The following ITPRID1 variants were observed in gnomAD, a reference collection of about 807,000 sequenced individuals.
ITPRID1 encodes ITPR interacting domain containing 1, also known as protein ITPRID1.
In ITPRID1, 96 loss-of-function variants were observed where a neutral mutation model predicts 95.4. The observed-to-expected ratio is 1.01, with a 90% CI of 0.85 to 1.19. ITPRID1 has a LOEUF of 1.19. Ranked by LOEUF, ITPRID1 falls within the 50% of genes most tolerant of loss-of-function variation. The pLI is 0.00. For missense variants in ITPRID1, 1,339 were observed against 1,252.9 expected (o/e 1.07, Z -1.04); for synonymous variants, 510 against 453.6 (o/e 1.12, Z -1.58).
chr7:31,519,620 C>CTCTCTCTCTCTCTCTCTATATA, intron 1 of ITPRID1, among the ~76,000 whole-genome samples: 16 of 25,260 alleles, frequency 6.3e-4, no homozygotes, highest in Non-Finnish European at 1.0e-3. Flanking sequence ...CTCTCTCTCT[C>CTCTCTCTCTCTCTCTCTATATA]TATATATATA....
intron 10 of ITPRID1, among the ~76,000 whole-genome samples, chr7:31,609,039 T>C (rs1004882868): frequency 6.6e-6 from 1 of 151,738 alleles, no homozygotes; most frequent in Non-Finnish European, 1.5e-5. Context: ...TAACATTGTG[T>C]TAAATTTTGT....
chr7:31,658,215 C>T, downstream of ITPRID1: 1 of 1,432,510 alleles, frequency 7.0e-7, no homozygotes, highest in Middle Eastern at 1.8e-4. Context: ...CAGAAGAACA[C>T]TTCCCAGAAA....
At chr7:31,579,306 C>T (rs1011297194) in intron 9 of ITPRID1, among the ~76,000 whole-genome samples, 8 of 152,046 alleles carry the variant, frequency 5.3e-5, no homozygotes, top group Non-Finnish European at 1.0e-4. Context: ...TAAGTAATTA[C>T]AAAGGAAGAA....
At chr7:31,611,942 C>T (rs905465019) in intron 10 of ITPRID1, among the ~76,000 whole-genome samples, 1 of 151,548 alleles carries the variant, frequency 6.6e-6, no homozygotes, top group Admixed American at 6.6e-5. Flanking sequence ...TTCTTTATGC[C>T]TTTTTCTTTT....
intron 12 of ITPRID1, among the ~76,000 whole-genome samples, chr7:31,647,714 GATGACGACA>G (rs1346302360): frequency 3.0e-4 from 44 of 148,004 alleles, no homozygotes; most frequent in African/African-American, 1.0e-3. Context: ...AGAAGAAGAC[GATGACGACA>G]ACGACGACGA....
intron 5 of ITPRID1, among the ~76,000 whole-genome samples, chr7:31,562,044 TA>T (rs33912394): frequency 0.33 from 17,169 of 52,596 alleles, 1,817 homozygotes; most frequent in East Asian, 0.36. Flanking sequence ...GCTATGTATT[TA>T]AAAAAAAAAA....
At chr7:31,539,248 C>T (rs1017761444) in intron 1 of ITPRID1, among the ~76,000 whole-genome samples, 2 of 152,016 alleles carry the variant, frequency 1.3e-5, no homozygotes. Flanking sequence ...GCAGTGGTGC[C>T]ATCTTGGCTC....
At chr7:31,622,079 A>G (rs1252499557) in intron 10 of ITPRID1, among the ~76,000 whole-genome samples, 1 of 140,788 alleles carries the variant, frequency 7.1e-6, no homozygotes, top group East Asian at 2.1e-4. Flanking sequence ...TATGCACCCA[A>G]TACAGGAGCA....
intron 10 of ITPRID1, among the ~76,000 whole-genome samples, chr7:31,600,672 C>T (rs6949643): frequency 0.47 from 71,718 of 152,056 alleles, 18,778 homozygotes; most frequent in East Asian, 0.63. Context: ...CTTCCTTACC[C>T]TTGAGAAGTG....
intron 1 of ITPRID1, among the ~76,000 whole-genome samples, chr7:31,532,039 C>T (rs1338711665): frequency 6.6e-6 from 1 of 152,100 alleles, no homozygotes; most frequent in Non-Finnish European, 1.5e-5. Context: ...AAATTTATGA[C>T]AGGAAGAACA....
At chr7:31,525,378 C>G (rs1267676273) in intron 1 of ITPRID1, among the ~76,000 whole-genome samples, 1 of 152,172 alleles carries the variant, frequency 6.6e-6, no homozygotes, top group Non-Finnish European at 1.5e-5. Context: ...TGGCCTCTAT[C>G]CACCAGATAC....
intron 5 of ITPRID1, among the ~76,000 whole-genome samples, chr7:31,569,320 A>G (rs1784903652): frequency 1.3e-5 from 2 of 152,202 alleles, no homozygotes; most frequent in African/African-American, 2.4e-5. Flanking sequence ...AACTTCCTGT[A>G]CCATGAGAGA....
At chr7:31,532,784 A>G (rs1276081113) in intron 1 of ITPRID1, among the ~76,000 whole-genome samples, 2 of 152,206 alleles carry the variant, frequency 1.3e-5, no homozygotes, top group African/African-American at 4.8e-5. Context: ...CAAGTTGGCC[A>G]CTTCACAGAA....
intron 5 of ITPRID1, among the ~76,000 whole-genome samples, chr7:31,557,879 C>T (rs555076167): frequency 9.2e-5 from 14 of 152,110 alleles, no homozygotes; most frequent in South Asian, 2.1e-4. Flanking sequence ...ACGTGTTATG[C>T]GTGGAAACCC....
In ITPRID1 at chr7:31,594,517, A is replaced by G. The variant is rs186237250; in HGVS notation, c.1228+11326A>G. 4.6e-3 allele frequency among the ~76,000 whole-genome samples: 699 copies of G among 152,338 alleles called. 8 individuals are homozygous for G. Among genetic ancestry groups the G allele is most frequent in the Non-Finnish European group, 5.2e-3 (357 of 68,032 alleles). On this transcript the variant is annotated intron_variant, in intron 10 of 14. Coordinates refer to ENST00000615280, the MANE Select transcript of ITPRID1 (RefSeq NM_001257967.3). ...GCATATGTTATTTTCAAAACACTAA[A>G]TAAGAAATAATTCTGGCAATACCAT...
chr7:31,628,247 G>C (rs1182701803), intron 10 of ITPRID1, among the ~76,000 whole-genome samples: 2 of 152,054 alleles, frequency 1.3e-5, no homozygotes, highest in African/African-American at 2.4e-5. Context: ...GCCTCCCATT[G>C]ATGGAACACA....
chr7:31,581,714 G>C (rs1785411159), intron 9 of ITPRID1, among the ~76,000 whole-genome samples: 1 of 151,972 alleles, frequency 6.6e-6, no homozygotes, highest in African/African-American at 2.4e-5. Context: ...AATTAATGGG[G>C]CTTTTCCTTT....
intron 10 of ITPRID1, among the ~76,000 whole-genome samples, chr7:31,628,164 C>A (rs553183223): frequency 4.6e-5 from 7 of 152,166 alleles, no homozygotes; most frequent in Admixed American, 4.6e-4. Context: ...TCAAAAAGTG[C>A]CCTGAAGGAG....
In ITPRID1 at chr7:31,655,976, A is replaced by G; in HGVS notation, c.*3147A>G. On this transcript the variant is annotated 3_prime_UTR_variant, in exon 15 of 15. Coordinates refer to ENST00000615280, the MANE Select transcript of ITPRID1 (RefSeq NM_001257967.3). ...GATGAATCTCCAATTCTATTCCCCT[A>G]AACCACCTCCTGTGTTCCTGCTTCC... The G allele has an allele frequency of 1.0e-6, 1 of 985,364 alleles. No homozygotes were observed. The highest frequency in any genetic ancestry group is 1.2e-6 in the Non-Finnish European group (1 of 829,918). The allele number at this position is 985,364 out of a possible 1,614,324, so 61.0% of individuals were successfully genotyped here. A position where few individuals can be genotyped will look rare whatever the true frequency, so the allele number is the denominator to read the frequency against.
Sources: allele counts gnomAD v4.1 joint callset (sites outside exome capture counted in the v4.1 genomes callset), GRCh38; gene constraint gnomAD v4.1.1; transcripts MANE v1.5; gene names NCBI Gene and HGNC (gene_info 2026-07-23, HGNC 2026-07-21).